RANBP17: variants seen among roughly 807,000 people sequenced by gnomAD.
RANBP17 encodes the protein RAN binding protein 17.
A neutral mutation model predicts 141.2 loss-of-function variants in RANBP17; 158 were observed. The observed-to-expected ratio is 1.12, with a 90% CI of 0.98 to 1.28. The LOEUF is 1.28. RANBP17 is among the 50% of genes most tolerant of loss of function. The pLI is 0.00. For missense variants in RANBP17, 1,438 were observed against 1,290.7 expected (o/e 1.11, Z -1.75); for synonymous variants, 430 against 450.0 (o/e 0.96, Z 0.56).
chr5:170,951,680 A>G (rs1273529819), intron 12 of RANBP17, among the ~76,000 whole-genome samples: 1 of 152,126 alleles, frequency 6.6e-6, no homozygotes, highest in Non-Finnish European at 1.5e-5. Flanking sequence ...TAATTTACTA[A>G]AAAACATTGA....
At chr5:171,079,643 A>G (rs1467944556) in intron 14 of RANBP17, among the ~76,000 whole-genome samples, 1 of 152,218 alleles carries the variant, frequency 6.6e-6, no homozygotes, top group East Asian at 1.9e-4. Flanking sequence ...TCTGCCAGCA[A>G]AAAAATTACA....
At chr5:170,972,344 G>A (rs557523517) in intron 14 of RANBP17, among the ~76,000 whole-genome samples, 2 of 152,038 alleles carry the variant, frequency 1.3e-5, no homozygotes, top group African/African-American at 2.4e-5. Flanking sequence ...ACCGCGCCTG[G>A]CTAATTTTTT....
At chr5:171,023,560 CT>C (rs1292991401) in intron 14 of RANBP17, among the ~76,000 whole-genome samples, 1 of 152,080 alleles carries the variant, frequency 6.6e-6, no homozygotes, top group Non-Finnish European at 1.5e-5. Context: ...CTCTCATCTA[CT>C]TTTTTTCTAG....
intron 5 of RANBP17, 81 bp from the exon 6 acceptor site, chr5:170,909,578 CTT>C (rs386405668): frequency 0.01 from 2,462 of 239,176 alleles, no homozygotes; most frequent in Middle Eastern, 0.014. Flanking sequence ...AGTTTATTTC[CTT>C]TTTTTTTTTT....
chr5:171,053,161 C>T (rs1279353870), intron 14 of RANBP17, among the ~76,000 whole-genome samples: 1 of 151,656 alleles, frequency 6.6e-6, no homozygotes, highest in African/African-American at 2.4e-5. Flanking sequence ...TTTCTTTCAA[C>T]AATGCCTTAG....
chr5:171,042,184 A>G (rs1782293627), intron 14 of RANBP17, among the ~76,000 whole-genome samples: 1 of 152,102 alleles, frequency 6.6e-6, no homozygotes, highest in African/African-American at 2.4e-5. Flanking sequence ...TGCTATTGAA[A>G]AATACACTTA....
At chr5:171,114,932 A>G (rs931996640) in intron 14 of RANBP17, among the ~76,000 whole-genome samples, 1 of 151,846 alleles carries the variant, frequency 6.6e-6, no homozygotes, top group Non-Finnish European at 1.5e-5. Context: ...ATGGCAATTT[A>G]GTGAAACCCT....
At chr5:170,893,911 G>T (rs9637853) in intron 4 of RANBP17, among the ~76,000 whole-genome samples, 91,459 of 151,992 alleles carry the variant, frequency 0.6, 29,216 homozygotes, top group South Asian at 0.89. Context: ...TTTGACTTTC[G>T]GAGATTTTAC....
At chr5:170,894,719 CATACTT>C (rs1769965870) in intron 4 of RANBP17, among the ~76,000 whole-genome samples, 1 of 151,948 alleles carries the variant, frequency 6.6e-6, no homozygotes, top group Non-Finnish European at 1.5e-5. Context: ...ACACTCCAAA[CATACTT>C]ATGTGTCTCC....
At chr5:171,196,743 G>A (rs1201750848) in intron 18 of RANBP17, among the ~76,000 whole-genome samples, 1 of 152,142 alleles carries the variant, frequency 6.6e-6, no homozygotes, top group Non-Finnish European at 1.5e-5. Context: ...GCACACTAAG[G>A]CTTTGATGAC....
intron 18 of RANBP17, among the ~76,000 whole-genome samples, chr5:171,190,550 C>T (rs1051361867): frequency 6.6e-6 from 1 of 151,986 alleles, no homozygotes; most frequent in East Asian, 1.9e-4. Flanking sequence ...GGATGACCAA[C>T]CAGATGTGCA....
intron 26 of RANBP17, 61 bp from the exon 27 acceptor site, chr5:171,295,826 G>C: frequency 5.1e-6 from 8 of 1,581,284 alleles, no homozygotes; most frequent in Non-Finnish European, 6.0e-6. Flanking sequence ...TCCATCCCCT[G>C]CCAGCTGTCT....
intron 23 of RANBP17, among the ~76,000 whole-genome samples, chr5:171,241,754 T>A (rs1206149359): frequency 6.6e-6 from 1 of 152,130 alleles, no homozygotes; most frequent in Non-Finnish European, 1.5e-5. Context: ...TTTTCTCTAA[T>A]TTTTTTATTC....
At chr5:171,183,028 C>T (rs1171912546) in intron 16 of RANBP17, 139 bp from the exon 17 acceptor site, 18 of 557,298 alleles carry the variant, frequency 3.2e-5, no homozygotes, top group Middle Eastern at 4.8e-4. Context: ...GAAGGAAAGA[C>T]GTTTCTATAG....
chr5:171,154,665 ATT>A (rs944504887), intron 14 of RANBP17, among the ~76,000 whole-genome samples: 1 of 152,156 alleles, frequency 6.6e-6, no homozygotes, highest in Non-Finnish European at 1.5e-5. Context: ...GTGAATACAT[ATT>A]TTTCCCTAGC....
At chr5:170,909,626 G>C in intron 5 of RANBP17, 35 bp from the exon 6 acceptor site, 1 of 804,638 alleles carries the variant, frequency 1.2e-6, no homozygotes, top group Middle Eastern at 2.7e-4. Flanking sequence ...TTTTTCATAG[G>C]TCTGGTTAAA....
intron 14 of RANBP17, among the ~76,000 whole-genome samples, chr5:171,068,907 G>T (rs1239883453): frequency 6.6e-6 from 1 of 152,110 alleles, no homozygotes; most frequent in African/African-American, 2.4e-5. Flanking sequence ...CTTCTCAAAG[G>T]CTGCAGTTAC....
At chr5:170,864,992 C>A (rs529124438) in intron 1 of RANBP17, among the ~76,000 whole-genome samples, 5 of 152,204 alleles carry the variant, frequency 3.3e-5, no homozygotes, top group African/African-American at 9.6e-5. Context: ...ATTAGGCTTT[C>A]CCCATCTTTT....
chr5:171,178,410 C>G (rs571849587), intron 16 of RANBP17, among the ~76,000 whole-genome samples: 3 of 152,084 alleles, frequency 2.0e-5, no homozygotes, highest in African/African-American at 7.2e-5. Context: ...TTTCTTTATC[C>G]GGTCTATCAT....
Sources: gnomAD v4.1 joint callset for allele counts (sites outside exome capture counted in the v4.1 genomes callset) on GRCh38, gnomAD v4.1.1 for gene constraint, MANE v1.5 for transcripts, NCBI Gene and HGNC (gene_info 2026-07-23, HGNC 2026-07-21) for gene names.